CNBD1: variants seen among roughly 807,000 people sequenced by gnomAD.
The protein encoded by CNBD1 is cyclic nucleotide binding domain containing 1, also known as cyclic nucleotide-binding domain-containing protein 1.
CNBD1 carries 71 observed loss-of-function variants against 54.4 expected under a neutral mutation model. The ratio of observed to expected loss-of-function variants is 1.30; its 90% confidence interval spans 1.08 to 1.59. The LOEUF (loss-of-function observed/expected upper bound fraction) is 1.59, where lower values mean the gene tolerates loss of function less well. Ranked by LOEUF, CNBD1 falls within the 40% of genes most tolerant of loss-of-function variation. The probability of loss-of-function intolerance (pLI) is 0.00; values close to 1 mark genes in which losing one functional copy is unlikely to be tolerated. For missense variants in CNBD1, 659 were observed against 518.0 expected, an observed-to-expected ratio of 1.27 and a Z score of -2.64; for synonymous variants, 182 against 170.7, an observed-to-expected ratio of 1.07 and a Z score of -0.51.
chr8:87,335,458 A>G (rs924414550), intron 8 of CNBD1, among the ~76,000 whole-genome samples: 9 of 152,072 alleles, frequency 5.9e-5, no homozygotes, highest in Admixed American at 1.3e-4. Flanking sequence ...TCATTATGTA[A>G]TGCCCTTTTT....
intron 4 of CNBD1, among the ~76,000 whole-genome samples, chr8:87,185,125 T>C (rs2130781040): frequency 6.6e-6 from 1 of 152,312 alleles, no homozygotes; most frequent in East Asian, 1.9e-4. Flanking sequence ...GTTTGTCTTA[T>C]GGTATATAAT....
intron 3 of CNBD1, among the ~76,000 whole-genome samples, chr8:86,932,985 A>T (rs1226214411): frequency 6.6e-6 from 1 of 152,066 alleles, no homozygotes; most frequent in African/African-American, 2.4e-5. Flanking sequence ...GCCCTTACCG[A>T]CACATTCTCG....
intron 4 of CNBD1, among the ~76,000 whole-genome samples, chr8:87,125,398 A>G (rs1404121789): frequency 6.6e-6 from 1 of 151,874 alleles, no homozygotes; most frequent in Non-Finnish European, 1.5e-5. Context: ...AGAACTTATA[A>G]TCAAAATAGC....
intron 2 of CNBD1, among the ~76,000 whole-genome samples, chr8:87,388,806 A>T (rs1034633934): frequency 2.6e-5 from 4 of 152,302 alleles, no homozygotes; most frequent in South Asian, 2.1e-4. Context: ...AAAAAAAGAC[A>T]ATTTTAGACC....
At chr8:87,262,995 G>C (rs1176993850) in intron 6 of CNBD1, among the ~76,000 whole-genome samples, 1 of 152,128 alleles carries the variant, frequency 6.6e-6, no homozygotes, top group Non-Finnish European at 1.5e-5. Flanking sequence ...AAAGTTCATT[G>C]TGGGCGCAAG....
At chr8:86,929,940 C>T (rs917083538) in intron 3 of CNBD1, among the ~76,000 whole-genome samples, 1 of 152,188 alleles carries the variant, frequency 6.6e-6, no homozygotes, top group African/African-American at 2.4e-5. Flanking sequence ...AAGAGCTATT[C>T]CCACTCTCTC....
intron 4 of CNBD1, among the ~76,000 whole-genome samples, chr8:87,055,477 G>T (rs958358712): frequency 6.6e-6 from 1 of 151,678 alleles, no homozygotes; most frequent in Non-Finnish European, 1.5e-5. Flanking sequence ...AACCCACCAT[G>T]TTAATGTCTG....
chr8:87,353,975 T>C (rs980501786), intron 10 of CNBD1, 189 bp downstream of exon 10: 57 of 432,402 alleles, frequency 1.3e-4, no homozygotes, highest in African/African-American at 1.1e-3. Flanking sequence ...GGCACATGTT[T>C]GTAGAGTGGG....
chr8:87,407,428 G>A (rs930250865), intron 2 of CNBD1, among the ~76,000 whole-genome samples: 2 of 151,904 alleles, frequency 1.3e-5, no homozygotes, highest in Non-Finnish European at 2.9e-5. Context: ...TCTAGTTTGT[G>A]TCTATTATGA....
intron 10 of CNBD1, among the ~76,000 whole-genome samples, chr8:87,358,898 C>G (rs938717343): frequency 6.6e-6 from 1 of 152,158 alleles, no homozygotes; most frequent in Non-Finnish European, 1.5e-5. Flanking sequence ...AAGAGATAGA[C>G]AGAATTCCTC....
chr8:87,096,364 T>A (rs961332920), intron 4 of CNBD1, among the ~76,000 whole-genome samples: 17 of 140,480 alleles, frequency 1.2e-4, no homozygotes, highest in Non-Finnish European at 2.0e-4. Flanking sequence ...TTTTTTTTTT[T>A]AATAAGAACA....
At chr8:87,291,243 G>A (rs1808778937) in intron 8 of CNBD1, among the ~76,000 whole-genome samples, 1 of 150,896 alleles carries the variant, frequency 6.6e-6, no homozygotes, top group African/African-American at 2.4e-5. Context: ...ACTTTTATTA[G>A]TTCTTCTAGT....
chr8:87,389,404 C>G (rs1811261605), intron 2 of CNBD1, among the ~76,000 whole-genome samples: 1 of 152,160 alleles, frequency 6.6e-6, no homozygotes, highest in South Asian at 2.1e-4. Context: ...TCAGGAAAGT[C>G]TCAGGATATA....
At chr8:87,341,343 T>A (rs1317292952) in intron 8 of CNBD1, among the ~76,000 whole-genome samples, 1 of 152,084 alleles carries the variant, frequency 6.6e-6, no homozygotes, top group Admixed American at 6.5e-5. Flanking sequence ...CTCTGGCAGC[T>A]CCTGTCTTCT....
chr8:87,418,056 T>C (rs1807865019), intron 2 of CNBD1, among the ~76,000 whole-genome samples: 1 of 151,876 alleles, frequency 6.6e-6, no homozygotes, highest in South Asian at 2.1e-4. Flanking sequence ...TAAACTAATC[T>C]TAAAATCAAT....
intron 2 of CNBD1, among the ~76,000 whole-genome samples, chr8:86,889,766 T>C (rs1266099877): frequency 2.0e-5 from 3 of 152,146 alleles, no homozygotes. Context: ...TTATTTTATT[T>C]ATTTTAGTGC....
chr8:86,991,078 T>G lies in CNBD1; in HGVS notation c.431+51324T>G, dbSNP rs76092621. Among the ~76,000 whole-genome samples the G allele has an allele frequency of 9.7e-3, 1,477 of 152,242 alleles. 19 individuals are homozygous for G. Among genetic ancestry groups the G allele is most frequent in the African/African-American group, 0.033 (1,361 of 41,544 alleles). On this transcript the variant is annotated intron_variant, in intron 4 of 10. Coordinates refer to ENST00000518476, the MANE Select transcript of CNBD1 (RefSeq NM_173538.3). ...TTATCAGTTCTGATAATTTGGGTGG[T>G]GGTAGTCTTTAGGTGTTTCCAAATA...
chr8:87,212,271 T>C (rs1045841150), intron 5 of CNBD1, among the ~76,000 whole-genome samples: 1 of 152,096 alleles, frequency 6.6e-6, no homozygotes, highest in African/African-American at 2.4e-5. Context: ...ATTGATAAGA[T>C]AGCAATACTA....
At chr8:86,926,387 C>T (rs763446375) in intron 3 of CNBD1, among the ~76,000 whole-genome samples, 1 of 152,134 alleles carries the variant, frequency 6.6e-6, no homozygotes, top group East Asian at 1.9e-4. Context: ...TTGAGTTGAG[C>T]TCATTTGGGG....
Sources: allele counts gnomAD v4.1 joint callset (sites outside exome capture counted in the v4.1 genomes callset), GRCh38; gene constraint gnomAD v4.1.1; transcripts MANE v1.5; gene names NCBI Gene and HGNC (gene_info 2026-07-23, HGNC 2026-07-21).